Variants in ATG4D observed in about 807,000 individuals in gnomAD.
ATG4D encodes cysteine protease ATG4D.
In ATG4D, 51 loss-of-function variants were observed where a neutral mutation model predicts 55.2. The observed-to-expected ratio is 0.92, with a 90% CI of 0.74 to 1.17. The LOEUF (loss-of-function observed/expected upper bound fraction) is 1.17. Ranked by LOEUF, ATG4D falls within the 50% of genes most tolerant of loss-of-function variation. The pLI is 0.00. For missense variants in ATG4D, 635 were observed against 649.6 expected (o/e 0.98, Z 0.25); for synonymous variants, 268 against 266.2 (o/e 1.01, Z -0.07).
Position 10,544,329 on chromosome 19 carries a change from A to C in ATG4D, c.235+4A>C. The C allele has an allele frequency of 7.6e-7, 1 of 1,317,002 alleles. No individual in the cohort carries two copies. The highest frequency in any genetic ancestry group is 9.8e-7 in the Non-Finnish European group (1 of 1,025,024). 81.6% of individuals were successfully genotyped at this position (1,317,002 alleles called of 1,614,324 possible). ...GCCTGGAACAACGTCAAGTACGGTG[A>C]GGAGGGGGCCCGGAGATCGTGGGGG... On this transcript the variant is annotated splice_donor_region_variant and intron_variant, in intron 1 of 9. Transcript: ENST00000309469.
rs1915980043 is a variant in ATG4D at position 10,544,832 on chromosome 19, C to T, written c.285C>T (p.His95=). ...GCTTTAGCAAGATCTCCAGCATCCA[C>T]CTCTGTGGCCGCCGCTACCGTTTCG... ...RTSFSKISSI[H]LCGRRYRFEG... The change falls in exon 2 of 10, where the codon CAC becomes CAT. Residue 95 remains histidine (H), a synonymous_variant. Transcript: ENST00000309469. The T allele has an allele frequency of 3.7e-6, 6 of 1,613,628 alleles. No homozygotes were observed. The highest frequency in any genetic ancestry group is 5.1e-6 in the Non-Finnish European group (6 of 1,179,716).
At chr19:10,550,235 C>T (rs937579102) in intron 6 of ATG4D, among the ~76,000 whole-genome samples, 32 of 151,766 alleles carry the variant, frequency 2.1e-4, no homozygotes, top group African/African-American at 6.5e-4. Context: ...CTTGAACTCC[C>T]GACCTCAGGT....
intron 3 of ATG4D, among the ~76,000 whole-genome samples, chr19:10,546,494 C>T (rs1035287716): frequency 1.3e-5 from 2 of 151,068 alleles, no homozygotes; most frequent in Non-Finnish European, 3.0e-5. Context: ...TACAGGTGCC[C>T]GCCACCACGC....
rs774622329 is a variant in ATG4D at position 10,551,907 on chromosome 19, G to T, written c.977G>T (p.Arg326Leu). The change falls in exon 7 of 10, where the codon CGT (arginine) becomes CTT (leucine). Residue 326 changes from arginine to leucine, a missense_variant. By Grantham distance (102) the Arg-to-Leu change is moderately radical (BLOSUM62 -2). Transcript: ENST00000309469. ...VYVPCVKELL[R>L]CELCLGIMGG... ...CCCTCCTCCCTGCAGGAACTCCTGC[G>T]TTGCGAGCTGTGCCTGGGCATCATG... The T allele has an allele frequency of 4.3e-6, 7 of 1,613,920 alleles. No individual in the cohort carries two copies. In the South Asian group the frequency reaches 5.5e-5, roughly 13 times the overall value.
chr19:10,552,690 AG>A (rs1313854112), intron 9 of ATG4D, among the ~76,000 whole-genome samples, 194 bp from the exon 10 acceptor site: 26 of 152,298 alleles, frequency 1.7e-4, no homozygotes, highest in African/African-American at 6.3e-4. Context: ...CAAAAATCCC[AG>A]GACTGTCAGT....
chr19:10,552,781 T>G, intron 9 of ATG4D, 104 bp from the exon 10 acceptor site: 1 of 1,246,140 alleles, frequency 8.0e-7, no homozygotes, highest in South Asian at 1.4e-5. Flanking sequence ...TTGGCTGCTC[T>G]CTCCTGGAGA....
intron 9 of ATG4D, among the ~76,000 whole-genome samples, 197 bp from the exon 10 acceptor site, chr19:10,552,688 C>T (rs1187126558): frequency 6.6e-6 from 1 of 152,182 alleles, no homozygotes; most frequent in Non-Finnish European, 1.5e-5. Context: ...AGCAAAAATC[C>T]CAGGACTGTC....
chr19:10,544,932 G>A, intron 2 of ATG4D, 25 bp from the exon 3 acceptor site: 2 of 1,581,498 alleles, frequency 1.3e-6, no homozygotes, highest in Non-Finnish European at 1.7e-6. Context: ...GTCCCTGGTG[G>A]CAGCTGACAG....
In ATG4D at chr19:10,547,269, C is replaced by T. The variant is rs761052136; in HGVS notation, c.835+16C>T. 1.7e-5 allele frequency: 28 copies of T among 1,609,304 alleles called. No individual in the cohort carries two copies. The highest frequency in any genetic ancestry group is 2.4e-5 in the Non-Finnish European group (28 of 1,176,596). ...GACTGCACAGGTAAGGGGCTGGGAG[C>T]CAAGATCACAGGGGCCCCACCCTGA... On this transcript the variant is annotated intron_variant, in intron 5 of 9. Transcript: ENST00000309469.
chr19:10,550,259 C>T (rs1340026008), intron 6 of ATG4D, among the ~76,000 whole-genome samples: 5 of 152,048 alleles, frequency 3.3e-5, no homozygotes, highest in African/African-American at 4.8e-5. Flanking sequence ...CCACCCACCT[C>T]GGTCTCCCAA....
chr19:10,545,125 C>G lies in ATG4D; in HGVS notation c.488C>G (p.Pro163Arg), dbSNP rs1304937052. The change falls in exon 3 of 10, where the codon CCC (proline) becomes CGC (arginine). Residue 163 changes from proline to arginine, a missense_variant. Physicochemically the swap from Pro to Arg is moderately radical, Grantham distance 103. Coordinates refer to ENST00000309469, the MANE Select transcript of ATG4D (RefSeq NM_032885.6). ...CAGGGCCTTCTGCTGCATTTCCTGCCCAGAGGTGAGCCATAGGGGGGAAGG... is the reference window on the plus strand; with the variant it reads ...CAGGGCCTTCTGCTGCATTTCCTGCGCAGAGGTGAGCCATAGGGGGGAAGG... ...LAQGLLLHFL[P>R]RDWTWAEGMG... 3 of 1,609,670 alleles carry G rather than the reference C, an allele frequency of 1.9e-6. No homozygotes were observed. The highest frequency in any genetic ancestry group is 2.7e-5 in the African/African-American group (2 of 74,914).
At chr19:10,549,921 C>G (rs1222092828) in intron 6 of ATG4D, among the ~76,000 whole-genome samples, 2 of 152,168 alleles carry the variant, frequency 1.3e-5, no homozygotes, top group African/African-American at 4.8e-5. Flanking sequence ...CACAGTGGCT[C>G]AGGCCTATAA....
intron 7 of ATG4D, 35 bp downstream of exon 7, chr19:10,552,010 C>G: frequency 6.2e-7 from 1 of 1,607,402 alleles, no homozygotes; most frequent in Non-Finnish European, 8.5e-7. Flanking sequence ...TCCCACCCCC[C>G]ACCGCACCCC....
intron 8 of ATG4D, 32 bp downstream of exon 8, chr19:10,552,153 CA>C (rs746490907): frequency 1.2e-6 from 2 of 1,611,270 alleles, no homozygotes; most frequent in Non-Finnish European, 1.7e-6. Context: ...TGGTTGGGGC[CA>C]TGGCGGGTGG....
At chr19:10,549,698 T>G (rs1916162540) in intron 6 of ATG4D, among the ~76,000 whole-genome samples, 1 of 151,416 alleles carries the variant, frequency 6.6e-6, no homozygotes, top group African/African-American at 2.4e-5. Context: ...GGATTACAGG[T>G]GTGAGCCACC....
intron 5 of ATG4D, 84 bp downstream of exon 5, chr19:10,547,337 A>G (rs1295957131): frequency 6.6e-7 from 1 of 1,509,324 alleles, no homozygotes; most frequent in Admixed American, 1.9e-5. Context: ...CATCTTCCTC[A>G]GAGGCTGGAA....
intron 6 of ATG4D, among the ~76,000 whole-genome samples, chr19:10,549,417 G>A (rs745735753): frequency 4.1e-5 from 6 of 147,760 alleles, no homozygotes; most frequent in African/African-American, 1.0e-4. Context: ...GCCACCACAC[G>A]GGCCATCCCT....
At chr19:10,546,238 C>T (rs1482216680) in intron 3 of ATG4D, among the ~76,000 whole-genome samples, 1 of 151,644 alleles carries the variant, frequency 6.6e-6, no homozygotes, top group African/African-American at 2.4e-5. Context: ...GCGGGAGAAT[C>T]TGTTGAGCTC....
At chr19:10,547,301 C>T (rs751356716) in intron 5 of ATG4D, 48 bp downstream of exon 5, 1 of 1,593,194 alleles carries the variant, frequency 6.3e-7, no homozygotes, top group Non-Finnish European at 8.6e-7. Context: ...CTGAGCCAGA[C>T]TCTGCCTTAC....
Sources: allele counts gnomAD v4.1 joint callset (sites outside exome capture counted in the v4.1 genomes callset), GRCh38; gene constraint gnomAD v4.1.1; transcripts MANE v1.5; gene names NCBI Gene and HGNC (gene_info 2026-07-23, HGNC 2026-07-21).